The following KIAA1328 variants were observed in gnomAD, a reference collection of about 807,000 sequenced individuals.
KIAA1328 encodes the protein KIAA1328.
A neutral mutation model predicts 68.1 loss-of-function variants in KIAA1328; 52 were observed. That is an observed-to-expected ratio of 0.76 (90% confidence interval 0.61 to 0.96). The LOEUF (loss-of-function observed/expected upper bound fraction) is 0.96, where lower values mean the gene tolerates loss of function less well. Among genes scored for constraint, KIAA1328 ranks in the 40% least tolerant of loss-of-function variants. The pLI, the probability that KIAA1328 is intolerant of heterozygous loss-of-function variation, is 0.00. For missense variants in KIAA1328, 641 were observed against 677.6 expected, an observed-to-expected ratio of 0.95 and a Z score of 0.60; for synonymous variants, 232 against 239.4, an observed-to-expected ratio of 0.97 and a Z score of 0.28.
chr18:36,831,745 A>C (rs557755757), intron 1 of KIAA1328, among the ~76,000 whole-genome samples: 1 of 152,316 alleles, frequency 6.6e-6, no homozygotes, highest in South Asian at 2.1e-4. Context: ...AATTACATAT[A>C]CATGTATTGC....
rs182054518 is a variant in KIAA1328, at chr18:36,924,271, A to T, written c.449-35037A>T. Among the ~76,000 whole-genome samples, 12 of 152,228 alleles carry T rather than the reference A, an allele frequency of 7.9e-5. No individual in the cohort carries two copies. In the East Asian group the frequency reaches 2.3e-3, roughly 29 times the overall value. On this transcript the variant is annotated intron_variant, in intron 5 of 9. Transcript: ENST00000280020. ...TTTCTGGGGGCAGGATAAAAGGTAG[A>T]TTTGAGGGGTGAAATCAGTATTCAG...
At chr18:37,200,964 G>A (rs1568527394) in intron 9 of KIAA1328, among the ~76,000 whole-genome samples, 2 of 151,848 alleles carry the variant, frequency 1.3e-5, no homozygotes, top group African/African-American at 4.8e-5. Flanking sequence ...TTAGTATCAA[G>A]GTGTCTCTTA....
intron 4 of KIAA1328, among the ~76,000 whole-genome samples, chr18:36,848,911 T>G (rs745925813): frequency 6.6e-6 from 1 of 151,778 alleles, no homozygotes; most frequent in Non-Finnish European, 1.5e-5. Context: ...TAAGCCTCAT[T>G]TGGTCATGTT....
intron 5 of KIAA1328, among the ~76,000 whole-genome samples, chr18:36,922,950 T>G (rs2049981866): frequency 6.6e-6 from 1 of 152,156 alleles, no homozygotes; most frequent in Non-Finnish European, 1.5e-5. Flanking sequence ...GGTATTACAA[T>G]ATATTGATAC....
At chr18:36,853,067 C>T (rs1052072834) in intron 4 of KIAA1328, among the ~76,000 whole-genome samples, 12 of 152,018 alleles carry the variant, frequency 7.9e-5, no homozygotes, top group Non-Finnish European at 1.8e-4. Context: ...GTTTTAAAGC[C>T]TATTTGTTTG....
intron 7 of KIAA1328, among the ~76,000 whole-genome samples, chr18:37,134,259 C>T (rs1477435615): frequency 3.3e-5 from 5 of 152,170 alleles, no homozygotes; most frequent in Admixed American, 2.0e-4. Context: ...GATCTGCCAT[C>T]CTCAGCCTCC....
intron 5 of KIAA1328, chr18:36,954,343 A>G (rs915712515): frequency 1.3e-4 from 20 of 152,074 alleles, no homozygotes; most frequent in Admixed American, 7.2e-4. Flanking sequence ...TAGATTTACA[A>G]ATTTGATTAG....
At chr18:36,973,277 G>A (rs372739548) in intron 6 of KIAA1328, among the ~76,000 whole-genome samples, 1 of 151,652 alleles carries the variant, frequency 6.6e-6, no homozygotes, top group Non-Finnish European at 1.5e-5. Flanking sequence ...TGAACAATGA[G>A]AACACATGGA....
intron 6 of KIAA1328, among the ~76,000 whole-genome samples, chr18:37,044,640 A>G (rs147813292): frequency 0.019 from 2,847 of 152,044 alleles, 47 homozygotes; most frequent in Non-Finnish European, 0.024. Flanking sequence ...TACTAAAAAT[A>G]CAAAAAAAAA....
Position 37,223,037 on chromosome 18 carries a change from C to A in KIAA1328, c.*810C>A, listed in dbSNP as rs1188271434. 1 of 983,426 alleles carries A rather than the reference C, an allele frequency of 1.0e-6. No individual in the cohort carries two copies. The highest frequency in any genetic ancestry group is 1.2e-6 in the Non-Finnish European group (1 of 829,328). 60.9% of individuals were successfully genotyped at this position (983,426 alleles called of 1,614,324 possible). On this transcript the variant is annotated 3_prime_UTR_variant, in exon 10 of 10. Transcript: ENST00000280020. Reference sequence around the variant, plus strand: ...AGGTATTTTTATTTACCCAAGTGTTCAGCTTATTCACCCCACCCCCCCACC... The same window carrying A: ...AGGTATTTTTATTTACCCAAGTGTTAAGCTTATTCACCCCACCCCCCCACC...
At chr18:36,991,111 T>G (rs1370668946) in intron 6 of KIAA1328, among the ~76,000 whole-genome samples, 1 of 152,216 alleles carries the variant, frequency 6.6e-6, no homozygotes, top group African/African-American at 2.4e-5. Context: ...TATAGAAAAT[T>G]TGAAAAACAA....
chr18:37,160,454 A>G, intron 8 of KIAA1328, 73 bp downstream of exon 8: 2 of 1,378,868 alleles, frequency 1.5e-6, no homozygotes, highest in Non-Finnish European at 2.0e-6. Context: ...TGAATTTCAG[A>G]TGATTTCCTA....
At chr18:37,144,737 C>G (rs1259907284) in intron 7 of KIAA1328, among the ~76,000 whole-genome samples, 1 of 151,952 alleles carries the variant, frequency 6.6e-6, no homozygotes, top group Non-Finnish European at 1.5e-5. Flanking sequence ...GCCATGTTGC[C>G]CAGACTGGTC....
intron 5 of KIAA1328, among the ~76,000 whole-genome samples, chr18:36,947,023 A>G (rs1337260711): frequency 6.6e-6 from 1 of 152,144 alleles, no homozygotes; most frequent in African/African-American, 2.4e-5. Flanking sequence ...CCACTAAGAA[A>G]TGAATTGTTA....
chr18:37,030,033 GTGGCACTTGTATCTATT>G (rs2054759661), intron 6 of KIAA1328, among the ~76,000 whole-genome samples: 1 of 151,980 alleles, frequency 6.6e-6, no homozygotes. Flanking sequence ...CTTAATATCT[GTGGCACTTGTATCTATT>G]TGCCACTTTT....
chr18:36,907,305 C>T (rs1473707976), intron 5 of KIAA1328, among the ~76,000 whole-genome samples: 3 of 152,000 alleles, frequency 2.0e-5, no homozygotes, highest in South Asian at 2.1e-4. Flanking sequence ...GTTGCACTAA[C>T]TAGAATTTCC....
intron 7 of KIAA1328, among the ~76,000 whole-genome samples, chr18:37,074,505 T>A (rs992625368): frequency 2.6e-5 from 4 of 152,206 alleles, no homozygotes; most frequent in African/African-American, 9.7e-5. Flanking sequence ...TTTATTCTTT[T>A]TTCTCTTAAC....
At chr18:36,834,264 C>T (rs1163328670) in intron 1 of KIAA1328, 56 bp from the exon 2 acceptor site, 4 of 1,457,006 alleles carry the variant, frequency 2.7e-6, no homozygotes, top group Admixed American at 2.4e-5. Context: ...AGAACAGAAG[C>T]AGCATTTGGA....
At chr18:37,057,412 T>A (rs1466544057) in intron 6 of KIAA1328, among the ~76,000 whole-genome samples, 1 of 150,602 alleles carries the variant, frequency 6.6e-6, no homozygotes, top group Non-Finnish European at 1.5e-5. Flanking sequence ...TTCATGAAAT[T>A]GGAAAATTGC....
Sources: allele counts gnomAD v4.1 joint callset (sites outside exome capture counted in the v4.1 genomes callset), GRCh38; gene constraint gnomAD v4.1.1; transcripts MANE v1.5; gene names NCBI Gene and HGNC (gene_info 2026-07-23, HGNC 2026-07-21).